PCDHGA6: variants seen among roughly 807,000 people sequenced by gnomAD.
PCDHGA6 encodes protocadherin gamma subfamily A, 6.
A neutral mutation model predicts 60.6 loss-of-function variants in PCDHGA6; 41 were observed. The observed-to-expected ratio is 0.68, with a 90% CI of 0.53 to 0.88. The LOEUF is 0.88. PCDHGA6 is among the 40% of genes least tolerant of loss of function. PCDHGA6 has a pLI of 0.00. For missense variants in PCDHGA6, 1,312 were observed against 1,203.0 expected (o/e 1.09, Z -1.34); for synonymous variants, 594 against 524.4 (o/e 1.13, Z -1.81).
At position 141,399,286 on chromosome 5, in the gene PCDHGA6, C is replaced by T; in HGVS notation, c.2424+22779C>T. 3.1e-6 allele frequency: 5 copies of T among 1,613,858 alleles called. No individual in the cohort carries two copies. In the South Asian group the frequency reaches 5.5e-5, roughly 18 times the overall value. ...TAATTGTCAATTACAAGGCGAAGTCCCTTTTAAGATTATCTCTTCATCCAA... is the reference window on the plus strand; with the variant it reads ...TAATTGTCAATTACAAGGCGAAGTCTCTTTTAAGATTATCTCTTCATCCAA... On this transcript the variant is annotated intron_variant, in intron 1 of 3. Transcript: ENST00000517434.
rs766746841 is a variant in PCDHGA6 at position 141,374,327 on chromosome 5, G to A, written c.244G>A (p.Gly82Ser). 1.2e-5 allele frequency: 20 copies of A among 1,613,866 alleles called. No individual in the cohort carries two copies. In the East Asian group the frequency reaches 4.0e-4, roughly 32 times the overall value. ...MQLFSLNPRN[G>S]SLVTAGRIDR... ...GCTTTTCTCTCTGAATCCGCGAAAC[G>A]GCAGCTTGGTCACCGCGGGTAGGAT... is the stretch of plus-strand genomic sequence containing the variant. The change falls in exon 1 of 4, where the codon GGC becomes AGC. Residue 82 changes from glycine to serine, a missense_variant. Gly to Ser is a moderately conservative substitution (Grantham distance 56). Coordinates refer to ENST00000517434, the MANE Select transcript of PCDHGA6 (RefSeq NM_018919.3).
chr5:141,495,434 G>A (rs1038100521), intron 2 of PCDHGA6, among the ~76,000 whole-genome samples: 2 of 152,196 alleles, frequency 1.3e-5, no homozygotes, highest in Non-Finnish European at 2.9e-5. Flanking sequence ...ACTGTCCTCT[G>A]CCCCTACTTG....
chr5:141,421,912 A>G (rs1207036091), intron 1 of PCDHGA6: 2 of 1,613,696 alleles, frequency 1.2e-6, no homozygotes, highest in Admixed American at 1.7e-5. Context: ...CGCAGTTCCC[A>G]TTCGTGTGGT....
In PCDHGA6 at chr5:141,486,680, T is replaced by A; in HGVS notation, c.2425-8127T>A. The A allele has an allele frequency of 6.2e-7, 1 of 1,614,102 alleles. No homozygotes were observed. Among genetic ancestry groups the A allele is most frequent in the Non-Finnish European group, 8.5e-7 (1 of 1,180,018 alleles). ...CCTGGAGCCCAGGAATCGAGATGTA[T>A]CAGCTTCCTCTTTCATCTCTCTGAA... is the stretch of plus-strand genomic sequence containing the variant. On this transcript the variant is annotated intron_variant, in intron 1 of 3. Coordinates refer to ENST00000517434, the MANE Select transcript of PCDHGA6 (RefSeq NM_018919.3). This position sits in a 1 kb window ranked among gnomAD's most constrained non-coding sequence, Gnocchi z 5.0.
intron 1 of PCDHGA6, chr5:141,417,831 C>T: frequency 5.2e-6 from 8 of 1,526,966 alleles, no homozygotes; most frequent in Non-Finnish European, 7.1e-6. Flanking sequence ...ACTGGAAAAG[C>T]GGGGACCCAG....
chr5:141,400,793 C>T, intron 1 of PCDHGA6: 2 of 561,880 alleles, frequency 3.6e-6, no homozygotes, highest in Admixed American at 3.5e-5. Context: ...TGTCCTCTTT[C>T]TCAAAGCTAA....
At chr5:141,409,828 C>G in intron 1 of PCDHGA6, 1 of 1,611,128 alleles carries the variant, frequency 6.2e-7, no homozygotes, top group Non-Finnish European at 8.5e-7. Flanking sequence ...CGCCCACGCT[C>G]AGCGCCAACG....
intron 1 of PCDHGA6, chr5:141,423,613 GA>G (rs1164845631): frequency 1.9e-6 from 3 of 1,610,782 alleles, no homozygotes; most frequent in Admixed American, 1.7e-5. Context: ...CTTGATAGCT[GA>G]AGACTCAGCT....
At chr5:141,384,620 G>T in intron 1 of PCDHGA6, 1 of 1,614,200 alleles carries the variant, frequency 6.2e-7, no homozygotes, top group Non-Finnish European at 8.5e-7. Flanking sequence ...GGTTCTACTG[G>T]CATGGAGCTG....
chr5:141,471,747 T>A (rs2099263878), intron 1 of PCDHGA6, among the ~76,000 whole-genome samples: 1 of 152,200 alleles, frequency 6.6e-6, no homozygotes, highest in African/African-American at 2.4e-5. Context: ...ACATAACATA[T>A]TTGAGGGTGT....
chr5:141,399,421 A>G lies in PCDHGA6; in HGVS notation c.2424+22914A>G, dbSNP rs1444290267. On this transcript the variant is annotated intron_variant, in intron 1 of 3. Coordinates refer to ENST00000517434, the MANE Select transcript of PCDHGA6 (RefSeq NM_018919.3). ...GGGCAAGCCGCCCCTCTCCTCCAGCATAAGCGTCATCCTACATATCAGAGA... is the reference window on the plus strand; with the variant it reads ...GGGCAAGCCGCCCCTCTCCTCCAGCGTAAGCGTCATCCTACATATCAGAGA... 1.2e-6 allele frequency: 2 copies of G among 1,614,036 alleles called. No homozygotes were observed. Among genetic ancestry groups the G allele is most frequent in the Middle Eastern group, 1.6e-4 (1 of 6,062 alleles).
Position 141,491,665 on chromosome 5 carries a change from C to T in PCDHGA6, c.2425-3142C>T, listed in dbSNP as rs749918160. 6.2e-7 allele frequency: 1 copy of T among 1,613,764 alleles called. No homozygotes were observed. The highest frequency in any genetic ancestry group is 8.5e-7 in the Non-Finnish European group (1 of 1,180,000). On this transcript the variant is annotated intron_variant, in intron 1 of 3. Transcript: ENST00000517434. The surrounding 1 kb of genome is among the most constrained non-coding windows in gnomAD (Gnocchi z 6.9). ...TCTGGCGCTGGAGCCTGACGCCATCCGGTCCCGCTCTAATACGCTGCGGGA... is the reference window on the plus strand; with the variant it reads ...TCTGGCGCTGGAGCCTGACGCCATCTGGTCCCGCTCTAATACGCTGCGGGA...
intron 1 of PCDHGA6, among the ~76,000 whole-genome samples, chr5:141,459,880 C>G (rs1240703946): frequency 6.6e-6 from 1 of 152,134 alleles, no homozygotes; most frequent in Non-Finnish European, 1.5e-5. Context: ...TTTAACTGAG[C>G]TGAACGCCTT....
At chr5:141,475,979 C>A in intron 1 of PCDHGA6, 1 of 1,020,182 alleles carries the variant, frequency 9.8e-7, no homozygotes, top group Non-Finnish European at 1.4e-6. Flanking sequence ...GACTGAACAG[C>A]CGGCGAGCAA....
At chr5:141,481,465 T>C (rs561789315) in intron 1 of PCDHGA6, among the ~76,000 whole-genome samples, 2 of 152,334 alleles carry the variant, frequency 1.3e-5, no homozygotes, top group South Asian at 2.1e-4. Context: ...CTGAAAACCA[T>C]TGGATTATAC....
chr5:141,413,671 G>A (rs2095665360), intron 1 of PCDHGA6: 13 of 1,613,878 alleles, frequency 8.1e-6, no homozygotes, highest in Non-Finnish European at 9.3e-6. Flanking sequence ...TGATCCGGAT[G>A]TGGGCGTGAA....
intron 1 of PCDHGA6, among the ~76,000 whole-genome samples, chr5:141,460,976 T>C (rs1444476508): frequency 7.6e-6 from 1 of 131,636 alleles, no homozygotes; most frequent in Non-Finnish European, 1.6e-5. Flanking sequence ...TGTGTGTGTG[T>C]GTGTGTGTAT....
rs752741869 is a variant in PCDHGA6, at chr5:141,374,716, C to A, written c.633C>A (p.Val211=). The change falls in exon 1 of 4, where the codon GTC becomes GTA. Residue 211 remains valine (V), a synonymous_variant. Coordinates refer to ENST00000517434, the MANE Select transcript of PCDHGA6 (RefSeq NM_018919.3). The part of the protein sequence containing the change: ...DREGEAVYRL[V]LTAMDGGDPV... ...AAGGAGAAGCCGTTTACCGCCTGGT[C>A]CTTACTGCCATGGATGGCGGCGACC... The A allele has an allele frequency of 1.9e-6, 3 of 1,609,798 alleles. No individual in the cohort carries two copies. The highest frequency in any genetic ancestry group is 1.3e-5 in the African/African-American group (1 of 74,844).
chr5:141,416,759 C>T (rs1045872662), intron 1 of PCDHGA6: 2 of 152,130 alleles, frequency 1.3e-5, no homozygotes, highest in African/African-American at 4.8e-5. Flanking sequence ...TTAGGTAGAT[C>T]TCTTAATTTT....
Sources: allele counts gnomAD v4.1 joint callset (sites outside exome capture counted in the v4.1 genomes callset), GRCh38; gene constraint gnomAD v4.1.1; non-coding constraint Gnocchi (gnomAD v3.1); transcripts MANE v1.5; gene names NCBI Gene and HGNC (gene_info 2026-07-23, HGNC 2026-07-21).